RELN: variants seen among roughly 807,000 people sequenced by gnomAD.
The protein encoded by RELN is reelin.
Under a neutral mutation model 427.6 loss-of-function variants are expected in RELN, and 108 were observed. That is an observed-to-expected ratio of 0.25 (90% CI 0.22 to 0.30). RELN has a LOEUF of 0.30. Among genes scored for constraint, RELN ranks in the 10% least tolerant of loss-of-function variants. RELN has a pLI of 1.00. For missense variants in RELN, 3,715 were observed against 4,302.8 expected (o/e 0.86, Z 3.82); for synonymous variants, 1,524 against 1,513.4 (o/e 1.01, Z -0.16).
chr7:103,852,079 C>T (rs531580566), intron 2 of RELN, among the ~76,000 whole-genome samples: 1 of 152,220 alleles, frequency 6.6e-6, no homozygotes, highest in African/African-American at 2.4e-5. Flanking sequence ...ATGGAACTTA[C>T]CTGATTAATA....
chr7:103,493,847 A>C (rs762746929), intron 57 of RELN, among the ~76,000 whole-genome samples: 1 of 152,144 alleles, frequency 6.6e-6, no homozygotes, highest in Non-Finnish European at 1.5e-5. Context: ...TGGGTACGGT[A>C]AGTCTCTGCT....
chr7:103,493,063 T>C (rs1277666720), intron 57 of RELN, among the ~76,000 whole-genome samples: 12 of 152,162 alleles, frequency 7.9e-5, no homozygotes. Context: ...GGAGAGTCAT[T>C]AAAGGTTTCT....
chr7:103,856,306 G>A (rs1012507030), intron 2 of RELN, among the ~76,000 whole-genome samples: 7 of 151,836 alleles, frequency 4.6e-5, no homozygotes, highest in South Asian at 2.1e-4. Flanking sequence ...GGCTGGGCGC[G>A]GTGGCTCACA....
intron 11 of RELN, among the ~76,000 whole-genome samples, chr7:103,663,513 A>T (rs1833189321): frequency 6.6e-6 from 1 of 152,180 alleles, no homozygotes. Context: ...AAATTGGCAC[A>T]AACTGGAAAG....
At chr7:103,717,746 T>TC in intron 8 of RELN, among the ~76,000 whole-genome samples, 1 of 152,128 alleles carries the variant, frequency 6.6e-6, no homozygotes. Flanking sequence ...CATAATAAGT[T>TC]CCCCAAGGTC....
intron 37 of RELN, among the ~76,000 whole-genome samples, chr7:103,557,712 A>G (rs1467750620): frequency 1.3e-5 from 2 of 152,218 alleles, no homozygotes; most frequent in African/African-American, 4.8e-5. Context: ...CAGGGACATG[A>G]TGATAAATTT....
intron 44 of RELN, 196 bp from the exon 45 acceptor site, chr7:103,539,523 C>T (rs1273003844): frequency 1.1e-5 from 7 of 609,976 alleles, no homozygotes; most frequent in Non-Finnish European, 1.7e-5. Flanking sequence ...CAAGAAACTA[C>T]ACAAAACAAA....
chr7:103,792,578 A>C (rs1792194263), intron 3 of RELN, among the ~76,000 whole-genome samples: 1 of 111,056 alleles, frequency 9.0e-6, no homozygotes. Flanking sequence ...GGATGGGGGG[A>C]TGGGGAAATG....
At chr7:103,932,413 G>A (rs1422260717) in intron 1 of RELN, among the ~76,000 whole-genome samples, 3 of 152,102 alleles carry the variant, frequency 2.0e-5, no homozygotes, top group African/African-American at 4.8e-5. Flanking sequence ...GGAGGGAGAG[G>A]AGCAGAAAAC....
chr7:103,795,865 G>T (rs1374874765), intron 3 of RELN, among the ~76,000 whole-genome samples: 4 of 152,122 alleles, frequency 2.6e-5, no homozygotes, highest in Non-Finnish European at 5.9e-5. Context: ...CACAGCTAGG[G>T]CTCTTGTAAG....
intron 1 of RELN, among the ~76,000 whole-genome samples, chr7:103,923,870 G>A (rs1195874767): frequency 6.6e-6 from 1 of 151,990 alleles, no homozygotes; most frequent in Non-Finnish European, 1.5e-5. Flanking sequence ...AATAATAATA[G>A]CTAAACAATA....
chr7:103,708,843 C>T (rs918711843), intron 8 of RELN, among the ~76,000 whole-genome samples: 2 of 152,056 alleles, frequency 1.3e-5, no homozygotes, highest in Non-Finnish European at 2.9e-5. Flanking sequence ...TTACCCTGGC[C>T]ACCTCTAATA....
At chr7:103,731,583 T>C (rs1433564032) in intron 6 of RELN, among the ~76,000 whole-genome samples, 3 of 152,146 alleles carry the variant, frequency 2.0e-5, no homozygotes, top group Non-Finnish European at 4.4e-5. Flanking sequence ...ATTGCAGAAT[T>C]GGGAGTCAAA....
chr7:103,949,473 G>A (rs1260108194), intron 1 of RELN, among the ~76,000 whole-genome samples: 3 of 152,114 alleles, frequency 2.0e-5, no homozygotes, highest in East Asian at 1.9e-4. Flanking sequence ...GAGCCCTCAC[G>A]AACGCGATTA....
At chr7:103,568,197 T>C (rs1217560413) in intron 31 of RELN, among the ~76,000 whole-genome samples, 2 of 152,214 alleles carry the variant, frequency 1.3e-5, no homozygotes, top group Non-Finnish European at 2.9e-5. Context: ...TTTATCACAT[T>C]GGATAATTAT....
chr7:103,545,604 T>C (rs1327040147), intron 41 of RELN, among the ~76,000 whole-genome samples: 5 of 152,164 alleles, frequency 3.3e-5, no homozygotes. Context: ...TTTTCAATAT[T>C]GACTTCCTTG....
chr7:103,978,654 G>C (rs1161572941), intron 1 of RELN, among the ~76,000 whole-genome samples: 1 of 152,166 alleles, frequency 6.6e-6, no homozygotes, highest in Non-Finnish European at 1.5e-5. Context: ...CTGATCTCTA[G>C]AGCATTTGCA....
intron 3 of RELN, among the ~76,000 whole-genome samples, chr7:103,796,030 C>A (rs1410924242): frequency 6.6e-6 from 1 of 152,184 alleles, no homozygotes; most frequent in Non-Finnish European, 1.5e-5. Flanking sequence ...TGTCTCTCAT[C>A]TGACACAGTG....
chr7:103,509,083 A>T (rs143151303), intron 51 of RELN, among the ~76,000 whole-genome samples: 6,801 of 152,210 alleles, frequency 0.045, 281 homozygotes, highest in African/African-American at 0.11. Context: ...TACTGCCCAA[A>T]GTAATTATAG....
Sources: allele counts gnomAD v4.1 joint callset (sites outside exome capture counted in the v4.1 genomes callset), GRCh38; gene constraint gnomAD v4.1.1; transcripts MANE v1.5; gene names NCBI Gene and HGNC (gene_info 2026-07-23, HGNC 2026-07-21).